Variants in ZBTB49 observed in about 807,000 individuals in gnomAD.
ZBTB49 encodes the protein zinc finger and BTB domain-containing protein 49.
A neutral mutation model predicts 57.5 loss-of-function variants in ZBTB49; 43 were observed. The ratio of observed to expected loss-of-function variants is 0.75; its 90% CI spans 0.59 to 0.97. ZBTB49 has a LOEUF of 0.97. Among genes scored for constraint, ZBTB49 ranks in the 50% least tolerant of loss-of-function variants. ZBTB49 has a pLI of 0.00. For missense variants in ZBTB49, 938 were observed against 947.7 expected (o/e 0.99, Z 0.13); for synonymous variants, 369 against 362.1 (o/e 1.02, Z -0.22).
chr4:4,317,393 G>A (rs1721233029), intron 7 of ZBTB49, among the ~76,000 whole-genome samples: 1 of 152,146 alleles, frequency 6.6e-6, no homozygotes, highest in African/African-American at 2.4e-5. Context: ...TTGGTTTTTG[G>A]TAGATTCACA....
intron 1 of ZBTB49, among the ~76,000 whole-genome samples, chr4:4,299,126 C>G (rs1339744958): frequency 6.6e-6 from 1 of 152,158 alleles, no homozygotes; most frequent in Non-Finnish European, 1.5e-5. Flanking sequence ...CATGACCTGA[C>G]CCTCTGTCCC....
Position 4,299,776 on chromosome 4 carries a change from GGTGTGTGTGTGTGTGT to G in ZBTB49, c.-19-131_-19-116del, listed in dbSNP as rs33911857. On this transcript the variant is annotated intron_variant, in intron 1 of 7. Transcript: ENST00000337872. Reference sequence around the variant, plus strand: ...GCGGTCTAGATGCCTCAGAAACAGAGGTGTGTGTGTGTGTGTGTGTGTGTGTGTGTGTGTGAGAGAG... The same window carrying G: ...GCGGTCTAGATGCCTCAGAAACAGAGGTGTGTGTGTGTGTGTGTGAGAGAG... Among the ~76,000 whole-genome samples the G allele has an allele frequency of 2.9e-3, 305 of 103,740 alleles. 1 individual carries two copies. The highest frequency in any genetic ancestry group is 8.0e-3 in the African/African-American group (292 of 36,328). The allele number at this position is 103,740 out of a possible 152,430, so 68.1% of individuals were successfully genotyped here. A position where few individuals can be genotyped will look rare whatever the true frequency, so the allele number is the denominator to read the frequency against.
intron 1 of ZBTB49, among the ~76,000 whole-genome samples, chr4:4,297,376 A>G (rs1004871319): frequency 1.3e-5 from 2 of 152,184 alleles, no homozygotes; most frequent in African/African-American, 4.8e-5. Context: ...GACTGGGTTC[A>G]GCCTTCTTAG....
rs901304884 is a variant in ZBTB49, at chr4:4,299,134, C to A, written c.-19-793C>A. Reference sequence around the variant, plus strand: ...GCCTGGGCATGACCTGACCCTCTGTCCCCTCTAGGATGTCATCTCCTGCCA... The same window carrying A: ...GCCTGGGCATGACCTGACCCTCTGTACCCTCTAGGATGTCATCTCCTGCCA... On this transcript the variant is annotated intron_variant, in intron 1 of 7. Coordinates refer to ENST00000337872, the MANE Select transcript of ZBTB49 (RefSeq NM_145291.4). Among the ~76,000 whole-genome samples the A allele has an allele frequency of 3.9e-5, 6 of 152,256 alleles. No homozygotes were observed. The South Asian group carries it at 1.2e-3, about 32-fold the overall frequency.
intron 4 of ZBTB49, 80 bp downstream of exon 4, chr4:4,306,264 G>A: frequency 8.2e-7 from 1 of 1,223,318 alleles, no homozygotes; most frequent in South Asian, 1.3e-5. Flanking sequence ...ACATACTTTT[G>A]TACTTGTGAG....
intron 1 of ZBTB49, among the ~76,000 whole-genome samples, chr4:4,291,655 G>A (rs193086459): frequency 6.6e-6 from 1 of 152,190 alleles, no homozygotes. Context: ...TTGTGCTCTC[G>A]TACTGTTTTT....
At position 4,302,144 on chromosome 4, in the gene ZBTB49, G is replaced by A. The variant is rs772708167; in HGVS notation, c.308G>A (p.Cys103Tyr). 2 of 1,614,232 alleles carry A rather than the reference G, an allele frequency of 1.2e-6. No homozygotes were observed. The highest frequency in any genetic ancestry group is 8.5e-7 in the Non-Finnish European group (1 of 1,180,036). ...NIQVMLDTAQ[C>Y]LQVQNVLSLC... ...CAAGTAATGCTGGACACAGCACAGT[G>A]TTTGCAAGTTCAAAATGTTCTGAGT... is the stretch of plus-strand genomic sequence containing the variant. The change falls in exon 3 of 8, where the codon TGT becomes TAT. Residue 103 changes from cysteine to tyrosine, a missense_variant. Cys to Tyr is a radical substitution (Grantham distance 194). Around this residue, in one of 3 missense-constraint regions of ZBTB49, gnomAD observed 3 missense variants for 16.1 expected, o/e 0.19. Coordinates refer to ENST00000337872, the MANE Select transcript of ZBTB49 (RefSeq NM_145291.4).
chr4:4,316,391 G>A (rs1051790699), intron 7 of ZBTB49, among the ~76,000 whole-genome samples: 2 of 152,168 alleles, frequency 1.3e-5, no homozygotes, highest in Admixed American at 1.3e-4. Flanking sequence ...CTTTATTCTC[G>A]TGGGCACTTG....
intron 1 of ZBTB49, among the ~76,000 whole-genome samples, chr4:4,294,697 C>T (rs929847996): frequency 2.6e-5 from 4 of 152,136 alleles, no homozygotes; most frequent in Non-Finnish European, 5.9e-5. Context: ...CAGTTAATAA[C>T]TGCCTAGCAT....
chr4:4,302,502 G>A lies in ZBTB49; in HGVS notation c.666G>A (p.Lys222=). 6.8e-6 allele frequency: 11 copies of A among 1,614,148 alleles called. No homozygotes were observed. Among genetic ancestry groups the A allele is most frequent in the Non-Finnish European group, 8.5e-6 (10 of 1,180,012 alleles). The part of the protein sequence containing the change: ...YYYKLRNFYS[K]QYHKHAAGPS... ...ACAAACTCAGAAACTTTTACAGTAA[G>A]CAGTACCATAAACACGCAGCTGGTC... The change falls in exon 3 of 8, where the codon AAG becomes AAA. Residue 222 remains lysine, a synonymous_variant. Transcript: ENST00000337872.
chr4:4,303,770 G>GTGTGTGTGTGTGTGTC (rs377326067), intron 3 of ZBTB49, among the ~76,000 whole-genome samples: 1 of 25,264 alleles, frequency 4.0e-5, no homozygotes, highest in African/African-American at 1.0e-4. Flanking sequence ...CTGTGTGTGT[G>GTGTGTGTGTGTGTGTC]TCTCTCTCTC....
intron 4 of ZBTB49, among the ~76,000 whole-genome samples, chr4:4,310,537 T>C (rs1417420509): frequency 6.9e-6 from 1 of 145,354 alleles, no homozygotes; most frequent in African/African-American, 2.5e-5. Context: ...TGAGATGGAG[T>C]CTTGCTCTGT....
At position 4,316,099 on chromosome 4, in the gene ZBTB49, A is replaced by G. The variant is rs1721186252; in HGVS notation, c.1621+129A>G. On this transcript the variant is annotated intron_variant, in intron 7 of 7. Coordinates refer to ENST00000337872, the MANE Select transcript of ZBTB49 (RefSeq NM_145291.4). Reference sequence around the variant, plus strand: ...TCCTCCTGTTTTTTTATTGCCTCACATGATCTCTCATTCATTCCTGCATTT... The same window carrying G: ...TCCTCCTGTTTTTTTATTGCCTCACGTGATCTCTCATTCATTCCTGCATTT... 5.9e-6 allele frequency: 7 copies of G among 1,185,774 alleles called. No individual in the cohort carries two copies. The Admixed American group carries it at 1.8e-4, about 31-fold the overall frequency. The allele number at this position is 1,185,774 out of a possible 1,614,324, so 73.5% of individuals were successfully genotyped here.
chr4:4,291,776 C>T (rs1171081798), intron 1 of ZBTB49, among the ~76,000 whole-genome samples: 1 of 152,222 alleles, frequency 6.6e-6, no homozygotes, highest in Non-Finnish European at 1.5e-5. Context: ...ATAGATGTGT[C>T]TTCCAGGAAG....
rs759929966 is a variant in ZBTB49 at position 4,299,954 on chromosome 4, T to A, written c.9T>A (p.Pro3=). The A allele has an allele frequency of 6.2e-7, 1 of 1,614,170 alleles. No homozygotes were observed. The highest frequency in any genetic ancestry group is 8.5e-7 in the Non-Finnish European group (1 of 1,180,016). MD[P]VATHSCHLLQ... ...CACCTGAATGGTTGAGCATGGACCC[T>A]GTTGCTACCCACAGCTGCCATCTGC... is the stretch of plus-strand genomic sequence containing the variant. Residue 3 remains proline, a synonymous_variant, in exon 2 of 8, where the codon CCT becomes CCA. Transcript: ENST00000337872.
At position 4,321,558 on chromosome 4, in the gene ZBTB49, G is replaced by A. The variant is rs746297457; in HGVS notation, c.*242G>A. 3.3e-5 allele frequency: 18 copies of A among 551,646 alleles called. No homozygotes were observed. Among genetic ancestry groups the A allele is most frequent in the Non-Finnish European group, 5.4e-5 (17 of 312,604 alleles). 34.2% of individuals were successfully genotyped at this position (551,646 alleles called of 1,614,324 possible). A position where few individuals can be genotyped will look rare whatever the true frequency, so the allele number is the denominator to read the frequency against. On this transcript the variant is annotated 3_prime_UTR_variant, in exon 8 of 8. Transcript: ENST00000337872. Reference sequence around the variant, plus strand: ...GCTGACGTCACAGAAGCGAAGGCTTGATGCTGTCTCAGCAGCCTCAGCTGT... The same window carrying A: ...GCTGACGTCACAGAAGCGAAGGCTTAATGCTGTCTCAGCAGCCTCAGCTGT...
At chr4:4,318,454 A>T (rs1414131039) in intron 7 of ZBTB49, among the ~76,000 whole-genome samples, 1 of 152,130 alleles carries the variant, frequency 6.6e-6, no homozygotes, top group African/African-American at 2.4e-5. Context: ...CGTCTCTACT[A>T]AAAATACCAA....
chr4:4,311,461 C>T (rs549900913), intron 4 of ZBTB49, among the ~76,000 whole-genome samples: 43 of 152,118 alleles, frequency 2.8e-4, no homozygotes, highest in Non-Finnish European at 5.3e-4. Context: ...GCAAAGTTAC[C>T]GTCATATTGA....
Position 4,302,742 on chromosome 4 carries a change from G to C in ZBTB49, c.906G>C (p.Arg302Ser). ...GCCAACAACCTGTCAAGCAGATGAG[G>C]CTCAAAAAGGCCATTCATCTGAAGA... ...ATCQQPVKQM[R>S]LKKAIHLKKL... The change falls in exon 3 of 8, where the codon AGG becomes AGC. Residue 302 changes from arginine (R) to serine (S), a missense_variant. Arg to Ser is a moderately radical substitution (Grantham distance 110). Coordinates refer to ENST00000337872, the MANE Select transcript of ZBTB49 (RefSeq NM_145291.4). 2 of 1,613,964 alleles carry C rather than the reference G, an allele frequency of 1.2e-6. No individual in the cohort carries two copies. Among genetic ancestry groups the C allele is most frequent in the Non-Finnish European group, 1.7e-6 (2 of 1,179,988 alleles).
Sources: gnomAD v4.1 joint callset for allele counts (sites outside exome capture counted in the v4.1 genomes callset) on GRCh38, gnomAD v4.1.1 for gene constraint, gnomAD v4.1.1 regional missense constraint, MANE v1.5 for transcripts, NCBI Gene and HGNC (gene_info 2026-07-23, HGNC 2026-07-21) for gene names.